Variants in NR6A1 observed in about 807,000 individuals in gnomAD.
NR6A1 encodes nuclear receptor subfamily 6 group A member 1.
In NR6A1, 7 loss-of-function variants were observed where a neutral mutation model predicts 59.1. That is an observed-to-expected ratio of 0.12 (90% CI 0.07 to 0.22). The LOEUF is 0.22. Ranked by LOEUF, NR6A1 falls within the 10% of genes least tolerant of loss-of-function variation. NR6A1 has a pLI of 1.00. For missense variants in NR6A1, 468 were observed against 611.6 expected (o/e 0.77, Z 2.48); for synonymous variants, 243 against 236.1 (o/e 1.03, Z -0.27).
At chr9:124,752,430 T>A (rs918007578) in intron 1 of NR6A1, among the ~76,000 whole-genome samples, 9 of 152,198 alleles carry the variant, frequency 5.9e-5, no homozygotes, top group Admixed American at 5.2e-4. Flanking sequence ...ATGGTAAAGT[T>A]ACATCAGCTA....
At chr9:124,684,725 A>C (rs1838276703) in intron 2 of NR6A1, among the ~76,000 whole-genome samples, 1 of 152,194 alleles carries the variant, frequency 6.6e-6, no homozygotes, top group African/African-American at 2.4e-5. Flanking sequence ...GCAGCTGATA[A>C]ATGTCAGACC....
intron 2 of NR6A1, among the ~76,000 whole-genome samples, chr9:124,625,762 ACT>A (rs1836222388): frequency 6.6e-6 from 1 of 152,030 alleles, no homozygotes; most frequent in Non-Finnish European, 1.5e-5. Context: ...ACGTCTGCAA[ACT>A]CTGAGTAAAG....
intron 1 of NR6A1, among the ~76,000 whole-genome samples, chr9:124,742,297 T>C (rs1250246950): frequency 1.3e-5 from 2 of 152,176 alleles, no homozygotes. Context: ...GCACGGTGGC[T>C]CACGCCTCTA....
intron 2 of NR6A1, among the ~76,000 whole-genome samples, chr9:124,571,317 G>T (rs1390859905): frequency 6.6e-6 from 1 of 152,188 alleles, no homozygotes; most frequent in Non-Finnish European, 1.5e-5. Context: ...TGCAATTCTG[G>T]AGTTAGATTG....
chr9:124,752,468 A>G (rs892360200), intron 1 of NR6A1, among the ~76,000 whole-genome samples: 12 of 152,210 alleles, frequency 7.9e-5, no homozygotes, highest in Non-Finnish European at 8.8e-5. Flanking sequence ...AACACAATAA[A>G]ATGGTAATTA....
In NR6A1 at chr9:124,526,759, T is replaced by C. The variant is rs961286444; in HGVS notation, c.1201+20A>G. On this transcript the variant is annotated intron_variant, in intron 8 of 9. Transcript: ENST00000487099. ...GCCTCCCGCACTGCAAACGTCCCTTTTCCCACCCCAGCCACTCACCTTGAT... is the reference window on the plus strand; with the variant it reads ...GCCTCCCGCACTGCAAACGTCCCTTCTCCCACCCCAGCCACTCACCTTGAT... 2.5e-6 allele frequency: 4 copies of C among 1,611,912 alleles called. No individual in the cohort carries two copies. The highest frequency in any genetic ancestry group is 3.4e-6 in the Non-Finnish European group (4 of 1,178,484).
In NR6A1 at chr9:124,771,122, G is replaced by C; in HGVS notation, c.-3C>G. Reference sequence around the variant, plus strand: ...GGCGGCGGTTCGTCCCGCTCCATGCGGTGGTGCCTAGGGTCCGCGCCGGGT... The same window carrying C: ...GGCGGCGGTTCGTCCCGCTCCATGCCGTGGTGCCTAGGGTCCGCGCCGGGT... On this transcript the variant is annotated 5_prime_UTR_variant, in exon 1 of 10. Transcript: ENST00000487099. 6 of 1,226,862 alleles carry C rather than the reference G, an allele frequency of 4.9e-6. No individual in the cohort carries two copies. The highest frequency in any genetic ancestry group is 5.1e-6 in the Non-Finnish European group (5 of 983,346). The allele number at this position is 1,226,862 out of a possible 1,614,324, so 76.0% of individuals were successfully genotyped here.
In NR6A1 at chr9:124,771,284, C is replaced by A; in HGVS notation, c.-165G>T. 5.1e-6 allele frequency: 2 copies of A among 392,132 alleles called. No individual in the cohort carries two copies. The highest frequency in any genetic ancestry group is 3.7e-5 in the East Asian group (1 of 27,186). 24.3% of individuals were successfully genotyped at this position (392,132 alleles called of 1,614,324 possible). A position where few individuals can be genotyped will look rare whatever the true frequency, so the allele number is the denominator to read the frequency against. On this transcript the variant is annotated 5_prime_UTR_variant, in exon 1 of 10. Transcript: ENST00000487099. ...CCGCCCGGCTCCGCGCCGCTCCGCG[C>A]CCCTCCGCGCCGCGCCCCCTCAGCA...
At chr9:124,620,054 T>C (rs1468098799) in intron 2 of NR6A1, among the ~76,000 whole-genome samples, 2 of 152,072 alleles carry the variant, frequency 1.3e-5, no homozygotes, top group Non-Finnish European at 2.9e-5. Flanking sequence ...AGAGCGAAAC[T>C]TCATCTCCAA....
intron 2 of NR6A1, among the ~76,000 whole-genome samples, chr9:124,556,596 GA>G (rs1241694118): frequency 3.3e-5 from 5 of 152,046 alleles, no homozygotes. Context: ...AAGTAGCTGG[GA>G]TTACAGGTGC....
At chr9:124,747,445 C>T (rs1480962254) in intron 1 of NR6A1, among the ~76,000 whole-genome samples, 1 of 152,074 alleles carries the variant, frequency 6.6e-6, no homozygotes, top group African/African-American at 2.4e-5. Flanking sequence ...GTTGGATGGT[C>T]TCATCCACAT....
At chr9:124,628,422 C>T (rs1836315398) in intron 2 of NR6A1, among the ~76,000 whole-genome samples, 1 of 152,070 alleles carries the variant, frequency 6.6e-6, no homozygotes, top group African/African-American at 2.4e-5. Context: ...TGGCTCACTG[C>T]AATCTGGGCC....
At chr9:124,618,718 G>A (rs149460762) in intron 2 of NR6A1, among the ~76,000 whole-genome samples, 2 of 152,128 alleles carry the variant, frequency 1.3e-5, no homozygotes, top group South Asian at 2.1e-4. Context: ...ATCAAGAGGC[G>A]AGACACAACA....
chr9:124,690,076 A>G (rs1029884066), intron 2 of NR6A1, among the ~76,000 whole-genome samples: 6 of 152,218 alleles, frequency 3.9e-5, no homozygotes, highest in African/African-American at 9.6e-5. Flanking sequence ...TGTTATCTTC[A>G]TAACTTAAGA....
At chr9:124,666,441 C>T (rs1363087699) in intron 2 of NR6A1, among the ~76,000 whole-genome samples, 2 of 151,978 alleles carry the variant, frequency 1.3e-5, no homozygotes, top group Non-Finnish European at 2.9e-5. Context: ...ACCATGCCCA[C>T]CTAATTTGTG....
At chr9:124,691,958 C>G (rs1010607546) in intron 2 of NR6A1, among the ~76,000 whole-genome samples, 1 of 152,142 alleles carries the variant, frequency 6.6e-6, no homozygotes, top group Non-Finnish European at 1.5e-5. Flanking sequence ...CTGTAGTAGA[C>G]AACAGAAGCA....
rs892233383 is a variant in NR6A1 at position 124,621,407 on chromosome 9, T to C, written c.143-66837A>G. ...GGCTCACACCTATAATCCCAGCACT[T>C]TGGGAGGCCGAGATGGATCACTTAA... On this transcript the variant is annotated intron_variant, in intron 2 of 9. Transcript: ENST00000487099. 1.3e-5 allele frequency among the ~76,000 whole-genome samples: 2 copies of C among 151,942 alleles called. 1 individual carries two copies. The highest frequency in any genetic ancestry group is 4.2e-4 in the South Asian group (2 of 4,810).
At chr9:124,701,793 G>A (rs1019238564) in intron 2 of NR6A1, among the ~76,000 whole-genome samples, 22 of 151,814 alleles carry the variant, frequency 1.4e-4, no homozygotes, top group Non-Finnish European at 2.9e-4. Context: ...GCACAATCTC[G>A]GCTCACTGCA....
At chr9:124,599,315 C>T (rs1471790070) in intron 2 of NR6A1, 4 of 363,768 alleles carry the variant, frequency 1.1e-5, no homozygotes, top group East Asian at 7.2e-5. Flanking sequence ...TGGCGGCGGG[C>T]GCCCGAGGCA....
Sources: gnomAD v4.1 joint callset for allele counts (sites outside exome capture counted in the v4.1 genomes callset) on GRCh38, gnomAD v4.1.1 for gene constraint, MANE v1.5 for transcripts, NCBI Gene and HGNC (gene_info 2026-07-23, HGNC 2026-07-21) for gene names.